ARHGAP26: variants seen among roughly 807,000 people sequenced by gnomAD.
The protein encoded by ARHGAP26 is Rho GTPase activating protein 26, also known as rho GTPase-activating protein 26.
ARHGAP26 carries 38 observed loss-of-function variants against 104.8 expected under a neutral mutation model. The observed-to-expected ratio is 0.36, with a 90% CI of 0.28 to 0.48. The LOEUF (loss-of-function observed/expected upper bound fraction) is 0.48. ARHGAP26 is among the 20% of genes least tolerant of loss of function. The pLI, the probability that ARHGAP26 is intolerant of heterozygous loss-of-function variation, is 0.99. For synonymous variants in ARHGAP26, 341 were observed against 340.0 expected (o/e 1.00, Z -0.03); for missense variants, 704 against 947.9 (o/e 0.74, Z 3.38).
At chr5:143,071,901 T>G (rs1481595269) in intron 17 of ARHGAP26, among the ~76,000 whole-genome samples, 1 of 152,050 alleles carries the variant, frequency 6.6e-6, no homozygotes, top group Non-Finnish European at 1.5e-5. Context: ...CGAGACTCCA[T>G]CTCAAAAAAC....
chr5:143,174,964 A>G (rs1803272132), intron 20 of ARHGAP26, among the ~76,000 whole-genome samples: 1 of 152,260 alleles, frequency 6.6e-6, no homozygotes, highest in Non-Finnish European at 1.5e-5. Context: ...AGGAAGCTTA[A>G]GTGTAAATCT....
rs1456949442 is a variant in ARHGAP26 at position 142,907,807 on chromosome 5, G to A, written c.933+3G>A. 1.9e-6 allele frequency: 3 copies of A among 1,600,152 alleles called. No individual in the cohort carries two copies. The highest frequency in any genetic ancestry group is 2.6e-6 in the Non-Finnish European group (3 of 1,170,182). ...ACCAAAAGTCAGGAGGAAAAGGGGT[G>A]AGTTCATTTTTAAAATTTGATGTTT... On this transcript the variant is annotated splice_donor_region_variant and intron_variant, in intron 9 of 22. Transcript: ENST00000645722.
chr5:143,185,095 A>G (rs968949568), intron 20 of ARHGAP26, among the ~76,000 whole-genome samples: 2 of 152,228 alleles, frequency 1.3e-5, no homozygotes, highest in African/African-American at 2.4e-5. Flanking sequence ...ATGAACTACA[A>G]TGCAACTACT....
chr5:142,986,208 G>A lies in ARHGAP26; in HGVS notation c.1108-27872G>A, dbSNP rs573481691. On this transcript the variant is annotated intron_variant, in intron 11 of 22. Coordinates refer to ENST00000645722, the MANE Select transcript of ARHGAP26 (RefSeq NM_001135608.3). ...TTTAATGATCGCCATTCTAACTGGT[G>A]TGAGATGGTATCTCATTGTGGTTTT... is the stretch of plus-strand genomic sequence containing the variant. Among the ~76,000 whole-genome samples the A allele has an allele frequency of 6.6e-4, 100 of 152,230 alleles. No homozygotes were observed. The South Asian group carries it at 0.019, about 29-fold the overall frequency.
At position 142,879,371 on chromosome 5, in the gene ARHGAP26, C is replaced by G. The variant is rs772414264; in HGVS notation, c.313-3C>G. The G allele has an allele frequency of 6.2e-6, 10 of 1,613,784 alleles. No individual in the cohort carries two copies. In the East Asian group the frequency reaches 8.9e-5, roughly 14 times the overall value. Reference sequence around the variant, plus strand: ...TTTCCCTTACTCTGTTGTTCTTCACCAGATTGAGAATGCCAGCGAGGTGCT... The same window carrying G: ...TTTCCCTTACTCTGTTGTTCTTCACGAGATTGAGAATGCCAGCGAGGTGCT... On this transcript the variant is annotated splice_polypyrimidine_tract_variant and splice_region_variant and intron_variant, in intron 3 of 22. Coordinates refer to ENST00000645722, the MANE Select transcript of ARHGAP26 (RefSeq NM_001135608.3).
At chr5:143,213,709 C>A in intron 21 of ARHGAP26, among the ~76,000 whole-genome samples, 1 of 152,218 alleles carries the variant, frequency 6.6e-6, no homozygotes, top group Non-Finnish European at 1.5e-5. Flanking sequence ...TGCCCTCCCG[C>A]TGTTTGGCTG....
At chr5:142,797,939 G>A (rs1393174386) in intron 1 of ARHGAP26, among the ~76,000 whole-genome samples, 4 of 152,224 alleles carry the variant, frequency 2.6e-5, no homozygotes, top group African/African-American at 9.6e-5. Context: ...ATGCTGCTGA[G>A]TTGCCTGTGC....
At chr5:142,901,851 C>A in intron 6 of ARHGAP26, 84 bp from the exon 7 acceptor site, 3 of 1,070,690 alleles carry the variant, frequency 2.8e-6, no homozygotes, top group South Asian at 2.8e-5. Context: ...GACTTTCAAG[C>A]CAGTGTTGGG....
At chr5:142,844,449 T>G (rs1771497878) in intron 1 of ARHGAP26, among the ~76,000 whole-genome samples, 1 of 152,168 alleles carries the variant, frequency 6.6e-6, no homozygotes, top group South Asian at 2.1e-4. Flanking sequence ...GTCAAAGACT[T>G]TGAAATATGA....
In ARHGAP26 at chr5:142,903,647, A is replaced by T; in HGVS notation, c.810A>T (p.Gly270=). Residue 270 remains glycine (G), a synonymous_variant, in exon 8 of 23, where the codon GGA becomes GGT. Coordinates refer to ENST00000645722, the MANE Select transcript of ARHGAP26 (RefSeq NM_001135608.3). Reference sequence around the variant, plus strand: ...CCATCAGTCCCTACACCATGGAGGGATACCTCTACGTGCAGGAGAAACGTG... The same window carrying T: ...CCATCAGTCCCTACACCATGGAGGGTTACCTCTACGTGCAGGAGAAACGTG... ...HKTISPYTME[G]YLYVQEKRHF... is the part of the protein sequence containing the mutation. The T allele has an allele frequency of 1.2e-6, 2 of 1,613,960 alleles. No homozygotes were observed. Among genetic ancestry groups the T allele is most frequent in the Non-Finnish European group, 1.7e-6 (2 of 1,179,912 alleles).
chr5:142,865,480 T>G (rs1477496442), intron 1 of ARHGAP26, among the ~76,000 whole-genome samples: 3 of 106,054 alleles, frequency 2.8e-5, no homozygotes, highest in Admixed American at 1.0e-4. Context: ...ACGGAGAAGT[T>G]TTTTTTTTTT....
chr5:143,109,742 A>C (rs551033495), intron 17 of ARHGAP26, among the ~76,000 whole-genome samples: 1 of 152,094 alleles, frequency 6.6e-6, no homozygotes, highest in African/African-American at 2.4e-5. Flanking sequence ...ACCCGGCCAT[A>C]TCTCTCTCTC....
chr5:142,969,118 A>ATTC (rs1771854411), intron 11 of ARHGAP26, among the ~76,000 whole-genome samples: 2 of 151,986 alleles, frequency 1.3e-5, no homozygotes, highest in Non-Finnish European at 2.9e-5. Context: ...TATTATTATT[A>ATTC]TTTATAGAGA....
chr5:142,782,083 G>C lies in ARHGAP26; in HGVS notation c.154+11168G>C, dbSNP rs113942653. 1.6e-3 allele frequency among the ~76,000 whole-genome samples: 238 copies of C among 152,320 alleles called. 1 individual carries two copies. Among genetic ancestry groups the C allele is most frequent in the African/African-American group, 5.6e-3 (232 of 41,584 alleles). On this transcript the variant is annotated intron_variant, in intron 1 of 22. Coordinates refer to ENST00000645722, the MANE Select transcript of ARHGAP26 (RefSeq NM_001135608.3). ...GAGAACACATAGTCAGCAGCATAGT[G>C]CCTGAGGAAGGGATGACAGAGGAGT...
At chr5:143,069,949 A>G (rs1288711641) in intron 17 of ARHGAP26, among the ~76,000 whole-genome samples, 1 of 152,176 alleles carries the variant, frequency 6.6e-6, no homozygotes, top group Admixed American at 6.5e-5. Flanking sequence ...AGCACTTCCC[A>G]AAGGCCTGGG....
chr5:143,142,675 G>T (rs559538423), intron 19 of ARHGAP26, among the ~76,000 whole-genome samples: 2 of 152,260 alleles, frequency 1.3e-5, no homozygotes, highest in African/African-American at 4.8e-5. Flanking sequence ...GCTACAGGGG[G>T]TAAAAATTGC....
chr5:142,815,160 C>T (rs1764854481), intron 1 of ARHGAP26, among the ~76,000 whole-genome samples: 1 of 152,212 alleles, frequency 6.6e-6, no homozygotes, highest in African/African-American at 2.4e-5. Flanking sequence ...GCTGCTACAC[C>T]TGGCTAATTT....
At position 143,041,829 on chromosome 5, in the gene ARHGAP26, A is replaced by G. The variant is rs559768157; in HGVS notation, c.1224A>G (p.Gln408=). The change falls in exon 14 of 23, where the codon CAA becomes CAG. Residue 408 remains glutamine (Q), a synonymous_variant. Coordinates refer to ENST00000645722, the MANE Select transcript of ARHGAP26 (RefSeq NM_001135608.3). ...HAVETRGINE[Q]GLYRIVGVNS... ...TTCTTTCCTCAGGGATCAACGAGCA[A>G]GGGCTGTATCGAATTGTGGGTGTCA... The G allele has an allele frequency of 2.9e-5, 47 of 1,606,828 alleles. 1 individual carries two copies. In the East Asian group the frequency reaches 5.8e-4, roughly 20 times the overall value.
At chr5:143,194,502 C>T (rs1806476257) in intron 20 of ARHGAP26, among the ~76,000 whole-genome samples, 1 of 151,968 alleles carries the variant, frequency 6.6e-6, no homozygotes, top group African/African-American at 2.4e-5. Flanking sequence ...ATGTATGAAA[C>T]CTTTTTGCAC....
Sources: allele counts gnomAD v4.1 joint callset (sites outside exome capture counted in the v4.1 genomes callset), GRCh38; gene constraint gnomAD v4.1.1; transcripts MANE v1.5; gene names NCBI Gene and HGNC (gene_info 2026-07-23, HGNC 2026-07-21).